Variants in CPEB3 observed in about 807,000 individuals in gnomAD.
CPEB3 encodes cytoplasmic polyadenylation element-binding protein 3.
In CPEB3, 20 loss-of-function variants were observed where a neutral mutation model predicts 67.2. The observed-to-expected ratio is 0.30, with a 90% CI of 0.21 to 0.43. The LOEUF is 0.43. Ranked by LOEUF, CPEB3 falls within the 20% of genes least tolerant of loss-of-function variation. The pLI is 1.00. For synonymous variants in CPEB3, 376 were observed against 393.1 expected (o/e 0.96, Z 0.51); for missense variants, 746 against 968.6 (o/e 0.77, Z 3.05).
chr10:92,188,610 C>T (rs1848813432), intron 3 of CPEB3, among the ~76,000 whole-genome samples: 1 of 151,976 alleles, frequency 6.6e-6, no homozygotes, highest in Non-Finnish European at 1.5e-5. Context: ...ATCCTAGCTA[C>T]TCAGGAGGCT....
chr10:92,168,943 A>C (rs1272868533), intron 4 of CPEB3, among the ~76,000 whole-genome samples: 6 of 144,816 alleles, frequency 4.1e-5, no homozygotes, highest in African/African-American at 5.1e-5. Context: ...TTACAGGTGC[A>C]TGCCACTATG....
At chr10:92,279,274 G>A (rs1422907908) in intron 1 of CPEB3, among the ~76,000 whole-genome samples, 1 of 152,146 alleles carries the variant, frequency 6.6e-6, no homozygotes, top group Non-Finnish European at 1.5e-5. Context: ...GGAAATAACA[G>A]ATCAGTGAAC....
At chr10:92,068,797 TC>T (rs1371129877) in intron 9 of CPEB3, among the ~76,000 whole-genome samples, 3 of 152,154 alleles carry the variant, frequency 2.0e-5, no homozygotes, top group African/African-American at 7.2e-5. Context: ...ATCTTTACCT[TC>T]CTTTAGATAA....
chr10:92,274,709 T>C (rs1014714231), intron 1 of CPEB3, among the ~76,000 whole-genome samples: 13 of 152,004 alleles, frequency 8.6e-5, no homozygotes, highest in Non-Finnish European at 2.9e-5. Flanking sequence ...GGTGTGGTGG[T>C]GCACGCCTAT....
intron 4 of CPEB3, among the ~76,000 whole-genome samples, chr10:92,150,886 T>C (rs996033487): frequency 6.6e-6 from 1 of 152,188 alleles, no homozygotes; most frequent in Non-Finnish European, 1.5e-5. Flanking sequence ...ACATAAAATA[T>C]GTATATTCAA....
chr10:92,078,489 G>A (rs1314848880), intron 9 of CPEB3, among the ~76,000 whole-genome samples: 1 of 152,098 alleles, frequency 6.6e-6, no homozygotes, highest in Non-Finnish European at 1.5e-5. Context: ...TAACTTGCTT[G>A]GACTTGACAG....
chr10:92,195,693 T>C lies in CPEB3; in HGVS notation c.1006-3057A>G, dbSNP rs558265494. ...TGGTAAGGGAACTATAAGAAAACGC[T>C]ATTTGAAGGCATTCAAGAATCTTTC... On this transcript the variant is annotated intron_variant, in intron 2 of 9. Transcript: ENST00000265997. 3.3e-5 allele frequency among the ~76,000 whole-genome samples: 5 copies of C among 152,318 alleles called. No homozygotes were observed. In the South Asian group the frequency reaches 1.0e-3, roughly 32 times the overall value.
At position 92,115,513 on chromosome 10, in the gene CPEB3, T is replaced by C. The variant is rs531148792; in HGVS notation, c.1454-4319A>G. On this transcript the variant is annotated intron_variant, in intron 6 of 9. Transcript: ENST00000265997. ...CCTTAGATGGAATGAACGATTTATA[T>C]TGGTGCTAATTGGGCGGAAAAGAAA... is the stretch of plus-strand genomic sequence containing the variant. Among the ~76,000 whole-genome samples, 18 of 152,334 alleles carry C rather than the reference T, an allele frequency of 1.2e-4. No individual in the cohort carries two copies. The East Asian group carries it at 3.3e-3, about 28-fold the overall frequency.
chr10:92,265,132 C>T (rs1852995315), intron 1 of CPEB3, among the ~76,000 whole-genome samples: 1 of 151,736 alleles, frequency 6.6e-6, no homozygotes, highest in Non-Finnish European at 1.5e-5. Flanking sequence ...TGCACTCCAG[C>T]CTGGGCAACA....
chr10:92,237,072 A>T (rs1360575650), intron 2 of CPEB3, among the ~76,000 whole-genome samples: 2 of 152,228 alleles, frequency 1.3e-5, no homozygotes, highest in Non-Finnish European at 2.9e-5. Context: ...TTCCTTTTTT[A>T]GAAAAATTAT....
chr10:92,071,458 G>A (rs1373436482), intron 9 of CPEB3, among the ~76,000 whole-genome samples: 2 of 151,974 alleles, frequency 1.3e-5, no homozygotes, highest in African/African-American at 4.8e-5. Flanking sequence ...CTGTCCGGGA[G>A]CGGTGGCTCA....
chr10:92,239,102 TAAAAGA>T lies in CPEB3; in HGVS notation c.1005+238_1005+243del, dbSNP rs1384218401. Among the ~76,000 whole-genome samples the T allele has an allele frequency of 6.6e-6, 1 of 152,032 alleles. No homozygotes were observed. The highest frequency in any genetic ancestry group is 2.4e-5 in the African/African-American group (1 of 41,400). Reference sequence around the variant, plus strand: ...AAACACCATGAAGGAGAAAATAAACTAAAAGAAAAAGGCTTCTTCTACCCTGAAGGG... The same window carrying T: ...AAACACCATGAAGGAGAAAATAAACTAAAAGGCTTCTTCTACCCTGAAGGG... On this transcript the variant is annotated intron_variant, in intron 2 of 9. Transcript: ENST00000265997. The surrounding 1 kb of genome is among the most constrained non-coding windows in gnomAD (Gnocchi z 6.0).
At position 92,148,585 on chromosome 10, in the gene CPEB3, A is replaced by G. The variant is rs193218094; in HGVS notation, c.1223-3500T>C. ...TTTCCCTAACCCTATTAAATTGTAA[A>G]CTCTATTAGGATGGGACCAATTTAA... On this transcript the variant is annotated intron_variant, in intron 4 of 9. Transcript: ENST00000265997. Among the ~76,000 whole-genome samples the G allele has an allele frequency of 3.9e-5, 6 of 152,148 alleles. No homozygotes were observed. In the East Asian group the frequency reaches 9.7e-4, roughly 25 times the overall value.
chr10:92,133,309 A>G (rs1308365191), intron 6 of CPEB3, among the ~76,000 whole-genome samples: 1 of 152,196 alleles, frequency 6.6e-6, no homozygotes, highest in Non-Finnish European at 1.5e-5. Context: ...AGAATCAAAT[A>G]GACGCAATAA....
intron 1 of CPEB3, among the ~76,000 whole-genome samples, chr10:92,271,938 G>C (rs1853324881): frequency 6.6e-6 from 1 of 152,058 alleles, no homozygotes; most frequent in Non-Finnish European, 1.5e-5. Flanking sequence ...CTATAAGGAA[G>C]GGTTTTTCCT....
chr10:92,232,053 AT>A (rs759526286), intron 2 of CPEB3, among the ~76,000 whole-genome samples: 3,181 of 131,280 alleles, frequency 0.024, 77 homozygotes, highest in African/African-American at 0.074. Flanking sequence ...ACAAAGCATA[AT>A]TTTTTTTTTT....
intron 2 of CPEB3, among the ~76,000 whole-genome samples, chr10:92,229,578 C>A (rs1851164037): frequency 6.6e-6 from 1 of 151,456 alleles, no homozygotes; most frequent in Non-Finnish European, 1.5e-5. Flanking sequence ...AGCAAGAACT[C>A]TGCTTACTTC....
At chr10:92,192,815 G>T (rs1245843673) in intron 2 of CPEB3, among the ~76,000 whole-genome samples, 179 bp from the exon 3 acceptor site, 1 of 151,980 alleles carries the variant, frequency 6.6e-6, no homozygotes, top group Non-Finnish European at 1.5e-5. Context: ...ATGGGGTCTC[G>T]CTATGTTTCC....
At chr10:92,078,830 C>T (rs1036819569) in intron 9 of CPEB3, among the ~76,000 whole-genome samples, 8 of 152,110 alleles carry the variant, frequency 5.3e-5, no homozygotes, top group African/African-American at 1.2e-4. Flanking sequence ...GTGAGAATAG[C>T]GGTAGGCAAC....
Sources: gnomAD v4.1 joint callset for allele counts (sites outside exome capture counted in the v4.1 genomes callset) on GRCh38, gnomAD v4.1.1 for gene constraint, Gnocchi (gnomAD v3.1) non-coding constraint, MANE v1.5 for transcripts, NCBI Gene and HGNC (gene_info 2026-07-23, HGNC 2026-07-21) for gene names.